Variants in PISD observed in about 807,000 individuals in gnomAD.
PISD encodes phosphatidylserine decarboxylase proenzyme, mitochondrial.
A neutral mutation model predicts 43.5 loss-of-function variants in PISD; 31 were observed. The observed-to-expected ratio is 0.71, with a 90% CI of 0.54 to 0.96. The LOEUF (loss-of-function observed/expected upper bound fraction) is 0.96. Among genes scored for constraint, PISD ranks in the 40% least tolerant of loss-of-function variants. The probability of loss-of-function intolerance (pLI) is 0.00; values close to 1 mark genes in which losing one functional copy is unlikely to be tolerated. For missense variants in PISD, 523 were observed against 548.4 expected, an observed-to-expected ratio of 0.95 and a Z score of 0.46; for synonymous variants, 259 against 228.7, an observed-to-expected ratio of 1.13 and a Z score of -1.20.
chr22:31,647,772 T>C (rs1252318511), intron 3 of PISD, among the ~76,000 whole-genome samples: 2 of 152,198 alleles, frequency 1.3e-5, no homozygotes, highest in African/African-American at 2.4e-5. Context: ...AAAAGCTCAA[T>C]AGTTTCAGCC....
intron 3 of PISD, among the ~76,000 whole-genome samples, chr22:31,635,759 C>T (rs2073412945): frequency 6.6e-6 from 1 of 152,202 alleles, no homozygotes; most frequent in African/African-American, 2.4e-5. Context: ...AGAGTGAGCC[C>T]ACAATTCTCT....
chr22:31,649,265 A>C (rs1040323832), intron 2 of PISD, among the ~76,000 whole-genome samples: 7 of 152,148 alleles, frequency 4.6e-5, no homozygotes, highest in Non-Finnish European at 8.8e-5. Context: ...CCTTTGTCCA[A>C]AGGAAAAATA....
upstream of PISD, chr22:31,662,221 T>C (rs764265582): frequency 1.9e-6 from 3 of 1,602,000 alleles, no homozygotes; most frequent in African/African-American, 4.0e-5. Context: ...TGTCTGCTCC[T>C]TCTCAGCGTG....
chr22:31,639,766 T>C (rs1231225522), intron 3 of PISD, among the ~76,000 whole-genome samples: 3 of 151,542 alleles, frequency 2.0e-5, no homozygotes, highest in African/African-American at 7.3e-5. Context: ...TACAGATCTG[T>C]ACCTGGTAGC....
intron 3 of PISD, among the ~76,000 whole-genome samples, chr22:31,645,396 G>T (rs1373981131): frequency 1.3e-5 from 2 of 151,782 alleles, no homozygotes; most frequent in African/African-American, 4.8e-5. Flanking sequence ...ACAGAGCAAG[G>T]CCCTGCCTCA....
At chr22:31,658,935 C>T (rs988118489) in intron 1 of PISD, among the ~76,000 whole-genome samples, 1 of 151,280 alleles carries the variant, frequency 6.6e-6, no homozygotes, top group Non-Finnish European at 1.5e-5. Flanking sequence ...CTCACTGCAG[C>T]CTCAACCTCC....
chr22:31,632,765 T>G (rs548834387), intron 3 of PISD, among the ~76,000 whole-genome samples: 20 of 152,230 alleles, frequency 1.3e-4, no homozygotes, highest in Non-Finnish European at 2.4e-4. Flanking sequence ...ATTATCTAAC[T>G]TTTTATTAAT....
intron 3 of PISD, chr22:31,625,793 C>G: frequency 6.3e-7 from 1 of 1,599,084 alleles, no homozygotes. Flanking sequence ...TGGTCCTTGC[C>G]GCGCCTCTGA....
Position 31,621,484 on chromosome 22 carries a change from G to T in PISD, c.559-12C>A. ...TCCGATGGGCTAATCTGGAAGGGCA[G>T]GAGAGGCTTGCTGCCAGGGAGAGCA... On this transcript the variant is annotated splice_polypyrimidine_tract_variant and intron_variant, in intron 4 of 7. Transcript: ENST00000439502. 1 of 1,613,998 alleles carries T rather than the reference G, an allele frequency of 6.2e-7. No homozygotes were observed. The highest frequency in any genetic ancestry group is 8.5e-7 in the Non-Finnish European group (1 of 1,180,002).
rs1337006643 is a variant in PISD, at chr22:31,620,672, T to C, written c.886A>G (p.Lys296Glu). Reference sequence around the variant, plus strand: ...CGCTCGTTATGGCAGAAGAGCTCTTTGATCCAGCGAGCCATGCCAGGGTTC... The same window carrying C: ...CGCTCGTTATGGCAGAAGAGCTCTTCGATCCAGCGAGCCATGCCAGGGTTC... ...SVNPGMARWI[K>E]ELFCHNERVV... Residue 296 changes from lysine (K) to glutamate (E), a missense_variant, in exon 7 of 8, where the codon AAA becomes GAA. Physicochemically the swap from Lys to Glu is moderately conservative, Grantham distance 56 (BLOSUM62 1). Coordinates refer to ENST00000439502, the MANE Select transcript of PISD (RefSeq NM_001326411.2). 5 of 1,614,208 alleles carry C rather than the reference T, an allele frequency of 3.1e-6. No homozygotes were observed. Among genetic ancestry groups the C allele is most frequent in the Non-Finnish European group, 4.2e-6 (5 of 1,180,030 alleles).
chr22:31,620,013 TCA>T (rs1355961982), intron 7 of PISD, among the ~76,000 whole-genome samples, 177 bp from the exon 8 acceptor site: 1 of 152,168 alleles, frequency 6.6e-6, no homozygotes. Flanking sequence ...TAGCCAGATC[TCA>T]CACACAGCCT....
At chr22:31,624,523 C>T (rs1032984981) in intron 3 of PISD, among the ~76,000 whole-genome samples, 1 of 152,052 alleles carries the variant, frequency 6.6e-6, no homozygotes, top group Non-Finnish European at 1.5e-5. Flanking sequence ...CACACAGCTA[C>T]GGCTCCATCC....
chr22:31,626,048 C>G (rs1228388545), intron 3 of PISD: 5 of 1,424,004 alleles, frequency 3.5e-6, no homozygotes, highest in African/African-American at 1.4e-5. Context: ...TGGTCACACA[C>G]CTGCTCAGGT....
Position 31,650,702 on chromosome 22 carries a change from T to A in PISD, c.142A>T (p.Thr48Ser). The A allele has an allele frequency of 6.5e-7, 1 of 1,542,838 alleles. No homozygotes were observed. The highest frequency in any genetic ancestry group is 2.4e-5 in the East Asian group (1 of 41,156). The change falls in exon 2 of 8, where the codon ACA becomes TCA. Residue 48 changes from threonine (T) to serine (S), a missense_variant. Coordinates refer to ENST00000439502, the MANE Select transcript of PISD (RefSeq NM_001326411.2). The part of the protein sequence containing the change: ...LRKLPFRAFR[T>S]DARKIHTAPA... ...ACCATCTCTAATTGCTCCTTACCTG[T>A]GCGAAAGGCTCTAAAAGGCAGCTTC...
intron 7 of PISD, 42 bp downstream of exon 7, chr22:31,620,511 G>A (rs1197084509): frequency 6.2e-7 from 1 of 1,603,810 alleles, no homozygotes; most frequent in Admixed American, 1.7e-5. Context: ...AGACCCAAGA[G>A]GTCTGGCCCT....
At position 31,637,164 on chromosome 22, in the gene PISD, AATATATATATATATATATATAT is replaced by A. The variant is rs61010566; in HGVS notation, c.321+10915_321+10936del. ...AAATTAAAAAAAAAAAAAAAAAAAA[AATATATATATATATATATATAT>A]ATATATATATATATATATATAGAAA... On this transcript the variant is annotated intron_variant, in intron 3 of 7. Transcript: ENST00000439502. Among the ~76,000 whole-genome samples, 70 of 13,650 alleles carry A rather than the reference AATATATATATATATATATATAT, an allele frequency of 5.1e-3. 2 individuals carry two copies. The East Asian group carries it at 0.06, about 12-fold the overall frequency. 9.0% of individuals were successfully genotyped at this position (13,650 alleles called of 152,430 possible). A position where few individuals can be genotyped will look rare whatever the true frequency, so the allele number is the denominator to read the frequency against.
intron 3 of PISD, among the ~76,000 whole-genome samples, chr22:31,636,345 T>C (rs2073433965): frequency 6.6e-6 from 1 of 152,182 alleles, no homozygotes; most frequent in Non-Finnish European, 1.5e-5. Flanking sequence ...GGAGTGAGCA[T>C]ACCTGCAAGC....
chr22:31,637,568 C>A (rs1184181617), intron 3 of PISD, among the ~76,000 whole-genome samples: 1 of 152,034 alleles, frequency 6.6e-6, no homozygotes, highest in African/African-American at 2.4e-5. Context: ...CCTGAGAGAC[C>A]CATTCAGGCA....
rs987843843 is a variant in PISD at position 31,618,699 on chromosome 22, C to T, written c.*913G>A. 2 of 317,280 alleles carry T rather than the reference C, an allele frequency of 6.3e-6. No individual in the cohort carries two copies. Among genetic ancestry groups the T allele is most frequent in the African/African-American group, 2.2e-5 (1 of 45,692 alleles). 19.7% of individuals were successfully genotyped at this position (317,280 alleles called of 1,614,324 possible). ...CGCCACTGGGGGCTCCCCAGGCCTG[C>T]GTTCCTGATAAACTGGGACAGGTTT... On this transcript the variant is annotated 3_prime_UTR_variant, in exon 8 of 8. Coordinates refer to ENST00000439502, the MANE Select transcript of PISD (RefSeq NM_001326411.2).
Sources: gnomAD v4.1 joint callset for allele counts (sites outside exome capture counted in the v4.1 genomes callset) on GRCh38, gnomAD v4.1.1 for gene constraint, MANE v1.5 for transcripts, NCBI Gene and HGNC (gene_info 2026-07-23, HGNC 2026-07-21) for gene names.